The following FOXP2 variants were observed in gnomAD, a reference collection of about 807,000 sequenced individuals.
FOXP2 encodes the protein forkhead box protein P2.
In FOXP2, 12 loss-of-function variants were observed where a neutral mutation model predicts 115.8. That is an observed-to-expected ratio of 0.10 (90% CI 0.07 to 0.17). FOXP2 has a LOEUF of 0.17. FOXP2 is among the 10% of genes least tolerant of loss of function. The pLI is 1.00. For missense variants in FOXP2, 629 were observed against 843.5 expected (o/e 0.75, Z 3.15); for synonymous variants, 328 against 297.7 (o/e 1.10, Z -1.05).
At chr7:114,644,919 G>A (rs188322711) in intron 8 of FOXP2, 130 bp downstream of exon 8, 23 of 701,360 alleles carry the variant, frequency 3.3e-5, no homozygotes, top group Non-Finnish European at 4.9e-5. Flanking sequence ...CAAGATTTTT[G>A]TGGGTTCCAA....
chr7:114,247,499 T>G (rs1035858385), intron 1 of FOXP2, among the ~76,000 whole-genome samples: 2 of 152,210 alleles, frequency 1.3e-5, no homozygotes, highest in Non-Finnish European at 2.9e-5. Context: ...CTCCCTTCTC[T>G]TTTATGTCCC....
At chr7:114,512,503 G>C (rs559522599) in intron 2 of FOXP2, among the ~76,000 whole-genome samples, 1 of 152,150 alleles carries the variant, frequency 6.6e-6, no homozygotes, top group African/African-American at 2.4e-5. Context: ...GTGGCTCCAT[G>C]TAACAGTTCT....
intron 2 of FOXP2, among the ~76,000 whole-genome samples, chr7:114,466,503 A>G (rs1046184653): frequency 7.2e-5 from 11 of 152,120 alleles, no homozygotes; most frequent in African/African-American, 2.7e-4. Flanking sequence ...TTGTACTGTC[A>G]TTGGAGATTC....
At chr7:114,109,096 C>G (rs534270630) in intron 1 of FOXP2, among the ~76,000 whole-genome samples, 1 of 151,822 alleles carries the variant, frequency 6.6e-6, no homozygotes, top group Non-Finnish European at 1.5e-5. Context: ...GGGTTATACA[C>G]CAAAGTGTCA....
chr7:114,441,569 T>A (rs1472346098), intron 2 of FOXP2, among the ~76,000 whole-genome samples: 1 of 152,226 alleles, frequency 6.6e-6, no homozygotes, highest in Non-Finnish European at 1.5e-5. Context: ...ATTCATTTTA[T>A]ATTCAGCTCC....
intron 16 of FOXP2, among the ~76,000 whole-genome samples, chr7:114,681,005 A>G (rs1808058805): frequency 6.6e-6 from 1 of 152,174 alleles, no homozygotes; most frequent in South Asian, 2.1e-4. Flanking sequence ...GAACATTGGC[A>G]TTCTTCTTAG....
At chr7:114,486,867 A>C (rs1285805396) in intron 2 of FOXP2, among the ~76,000 whole-genome samples, 1 of 152,048 alleles carries the variant, frequency 6.6e-6, no homozygotes, top group Non-Finnish European at 1.5e-5. Context: ...GGGCAGCTCC[A>C]CCCCTGTGGC....
rs34625695 is a variant in FOXP2, at chr7:114,371,247, A to ATTT, written c.-10-55241_-10-55239dup. ...AGGCACATGCCACCATGTCCAGCTAATTTTTTTTTTTTTTTTGTAGTAGCA... is the reference window on the plus strand; with the variant it reads ...AGGCACATGCCACCATGTCCAGCTAATTTTTTTTTTTTTTTTTTTGTAGTAGCA... On this transcript the variant is annotated intron_variant, in intron 2 of 17. Coordinates refer to the FOXP2 transcript ENST00000634411. 6.0e-3 allele frequency among the ~76,000 whole-genome samples: 852 copies of ATTT among 141,076 alleles called. 9 individuals are homozygous for ATTT. Among genetic ancestry groups the ATTT allele is most frequent in the East Asian group, 0.015 (72 of 4,790 alleles). The allele number at this position is 141,076 out of a possible 152,430, so 92.6% of individuals were successfully genotyped here.
intron 3 of FOXP2, among the ~76,000 whole-genome samples, chr7:114,560,647 A>G (rs1453568365): frequency 6.6e-6 from 1 of 152,148 alleles, no homozygotes; most frequent in Non-Finnish European, 1.5e-5. Context: ...AACTGAAATT[A>G]TAATAGCAAT....
chr7:114,423,913 CT>C (rs1793726389), intron 1 of FOXP2, among the ~76,000 whole-genome samples: 1 of 151,430 alleles, frequency 6.6e-6, no homozygotes, highest in African/African-American at 2.4e-5. Flanking sequence ...AATCACCCTT[CT>C]TTTTTCATAT....
chr7:114,477,142 C>G (rs1796309773), intron 2 of FOXP2, among the ~76,000 whole-genome samples: 1 of 151,922 alleles, frequency 6.6e-6, no homozygotes, highest in South Asian at 2.1e-4. Flanking sequence ...CCCAGCAATA[C>G]AATTAATTAC....
chr7:114,462,736 G>C (rs560609338), intron 2 of FOXP2, among the ~76,000 whole-genome samples: 2 of 152,260 alleles, frequency 1.3e-5, no homozygotes, highest in South Asian at 4.1e-4. Flanking sequence ...GTTGAAATCA[G>C]ACATATGCAT....
chr7:114,498,505 G>A (rs960220948), intron 2 of FOXP2, among the ~76,000 whole-genome samples: 2 of 152,062 alleles, frequency 1.3e-5, no homozygotes, highest in Non-Finnish European at 1.5e-5. Context: ...TGGAAAATAG[G>A]AAACTATTAA....
chr7:114,575,794 A>T (rs908867595), intron 3 of FOXP2, among the ~76,000 whole-genome samples: 6 of 151,984 alleles, frequency 3.9e-5, no homozygotes, highest in Non-Finnish European at 7.4e-5. Flanking sequence ...ATATTAGCAG[A>T]GAGTAACCTG....
intron 1 of FOXP2, among the ~76,000 whole-genome samples, chr7:114,202,310 C>T (rs1794088346): frequency 6.6e-6 from 1 of 152,112 alleles, no homozygotes; most frequent in Non-Finnish European, 1.5e-5. Context: ...TTATTTAGTT[C>T]CTTCTATGTG....
At chr7:114,175,018 C>G (rs113835616) in intron 1 of FOXP2, among the ~76,000 whole-genome samples, 2,899 of 152,070 alleles carry the variant, frequency 0.019, 39 homozygotes, top group Non-Finnish European at 0.028. Context: ...TGGCTGCTCT[C>G]AGACACTAAA....
At chr7:114,536,258 T>G (rs1041308965) in intron 3 of FOXP2, among the ~76,000 whole-genome samples, 5 of 151,602 alleles carry the variant, frequency 3.3e-5, no homozygotes, top group African/African-American at 1.2e-4. Flanking sequence ...TTCCTAATTC[T>G]ATTTTATCAT....
intron 2 of FOXP2, among the ~76,000 whole-genome samples, chr7:114,522,080 C>T (rs966377917): frequency 7.2e-5 from 11 of 152,118 alleles, no homozygotes; most frequent in Admixed American, 6.6e-4. Context: ...ACATTTCCAG[C>T]CCTTAGAAAG....
chr7:114,578,138 A>T (rs1321790941), intron 3 of FOXP2, among the ~76,000 whole-genome samples: 2 of 151,978 alleles, frequency 1.3e-5, no homozygotes, highest in African/African-American at 4.8e-5. Flanking sequence ...TTTTATCTTT[A>T]TTTCCTTCCC....
Sources: allele counts gnomAD v4.1 joint callset (sites outside exome capture counted in the v4.1 genomes callset), GRCh38; gene constraint gnomAD v4.1.1; transcripts MANE v1.5; gene names NCBI Gene and HGNC (gene_info 2026-07-23, HGNC 2026-07-21).